Variants in UBOX5 observed in about 807,000 individuals in gnomAD.
The protein encoded by UBOX5 is RING finger protein 37.
Under a neutral mutation model 39.0 loss-of-function variants are expected in UBOX5, and 28 were observed. The observed-to-expected ratio is 0.72, with a 90% CI of 0.53 to 0.98. The LOEUF is 0.98. Ranked by LOEUF, UBOX5 falls within the 50% of genes least tolerant of loss-of-function variation. The pLI is 0.00. For missense variants in UBOX5, 585 were observed against 674.4 expected (o/e 0.87, Z 1.47); for synonymous variants, 283 against 275.5 (o/e 1.03, Z -0.27).
At chr20:3,138,916 G>A (rs2066493376) in intron 1 of UBOX5, among the ~76,000 whole-genome samples, 1 of 152,068 alleles carries the variant, frequency 6.6e-6, no homozygotes, top group African/African-American at 2.4e-5. Context: ...TCATAGAGAT[G>A]TAATGAAAAG....
At chr20:3,120,843 T>C (rs1293799471) in intron 3 of UBOX5, among the ~76,000 whole-genome samples, 3 of 152,138 alleles carry the variant, frequency 2.0e-5, no homozygotes, top group African/African-American at 7.2e-5. Context: ...CCTTTTTCCT[T>C]TTCTGTGTCC....
At chr20:3,135,009 GA>G (rs1296288477) in intron 1 of UBOX5, among the ~76,000 whole-genome samples, 9 of 152,132 alleles carry the variant, frequency 5.9e-5, no homozygotes, top group African/African-American at 2.2e-4. Flanking sequence ...GAAATAATTA[GA>G]AGAGAATACA....
intron 4 of UBOX5, 166 bp from the exon 5 acceptor site, chr20:3,110,480 G>T: frequency 1.4e-6 from 1 of 738,348 alleles, no homozygotes; most frequent in Non-Finnish European, 2.2e-6. Context: ...GGGAGAGGGA[G>T]CCTGGGAACC....
At chr20:3,159,343 A>T (rs938933453) in intron 1 of UBOX5, among the ~76,000 whole-genome samples, 5 of 152,134 alleles carry the variant, frequency 3.3e-5, no homozygotes, top group Non-Finnish European at 7.4e-5. Flanking sequence ...CCTCGTCTGG[A>T]ATCTAGTTAG....
chr20:3,127,442 T>A (rs368712614), intron 1 of UBOX5, among the ~76,000 whole-genome samples: 2 of 152,232 alleles, frequency 1.3e-5, no homozygotes, highest in African/African-American at 4.8e-5. Context: ...TTTTACATAT[T>A]AACACAAAGT....
At chr20:3,126,810 C>T (rs1267087790) in intron 1 of UBOX5, among the ~76,000 whole-genome samples, 6 of 151,850 alleles carry the variant, frequency 4.0e-5, no homozygotes, top group African/African-American at 1.2e-4. Context: ...CAGAGGCAGG[C>T]AGATCACCTG....
chr20:3,148,538 T>C (rs147589614), intron 1 of UBOX5: 829 of 1,614,160 alleles, frequency 5.1e-4, no homozygotes, highest in Non-Finnish European at 6.5e-4. Flanking sequence ...CAAGACAGGA[T>C]GCTGCTCTGC....
At chr20:3,148,872 T>C (rs756980695) in intron 1 of UBOX5, 1 of 1,614,192 alleles carries the variant, frequency 6.2e-7, no homozygotes, top group Admixed American at 1.7e-5. Flanking sequence ...GTCAGGATTC[T>C]CCGAGAAGAG....
Position 3,123,387 on chromosome 20 carries a change from T to G in UBOX5, c.-22A>C. ...CCATCTTTGTGGCTGAGAGGATATC[T>G]TCCAAGCATCAGAAGCAGCCTTAAA... On this transcript the variant is annotated 5_prime_UTR_variant, in exon 2 of 5. Coordinates refer to ENST00000217173, the MANE Select transcript of UBOX5 (RefSeq NM_014948.4). The G allele has an allele frequency of 1.9e-6, 3 of 1,611,890 alleles. No homozygotes were observed. The highest frequency in any genetic ancestry group is 2.5e-6 in the Non-Finnish European group (3 of 1,178,306).
chr20:3,114,710 G>A (rs898367238), intron 4 of UBOX5, among the ~76,000 whole-genome samples: 2 of 152,178 alleles, frequency 1.3e-5, no homozygotes, highest in African/African-American at 4.8e-5. Context: ...AGCGCTTTGC[G>A]AGGCCGAGGC....
intron 1 of UBOX5, among the ~76,000 whole-genome samples, chr20:3,135,154 T>A (rs1312584080): frequency 2.0e-5 from 3 of 152,074 alleles, no homozygotes; most frequent in Admixed American, 6.6e-5. Context: ...AAAATTTTTT[T>A]AAAAAAACGT....
chr20:3,159,372 AC>A (rs1056009427), intron 1 of UBOX5, among the ~76,000 whole-genome samples: 39 of 152,290 alleles, frequency 2.6e-4, no homozygotes, highest in African/African-American at 9.4e-4. Context: ...TTATCTCAGA[AC>A]CCACCCCAGT....
At chr20:3,153,363 G>A (rs2066650626) in intron 1 of UBOX5, among the ~76,000 whole-genome samples, 1 of 152,212 alleles carries the variant, frequency 6.6e-6, no homozygotes, top group African/African-American at 2.4e-5. Flanking sequence ...CTGTGCCAAG[G>A]CTTAGAGCCT....
intron 1 of UBOX5, among the ~76,000 whole-genome samples, chr20:3,145,261 TC>T (rs2066550467): frequency 1.3e-5 from 2 of 151,640 alleles, no homozygotes; most frequent in Non-Finnish European, 2.9e-5. Context: ...ACGGTGATCC[TC>T]CCACCTCAGC....
At chr20:3,155,515 A>T (rs1036682918) in intron 1 of UBOX5, among the ~76,000 whole-genome samples, 1 of 152,084 alleles carries the variant, frequency 6.6e-6, no homozygotes, top group Non-Finnish European at 1.5e-5. Flanking sequence ...TGGGCAACAG[A>T]GCGAAACTCC....
chr20:3,135,019 C>T (rs568893102), intron 1 of UBOX5, among the ~76,000 whole-genome samples: 6 of 151,990 alleles, frequency 3.9e-5, no homozygotes, highest in Non-Finnish European at 7.4e-5. Context: ...GAAGAGAATA[C>T]AAAATATGAA....
chr20:3,138,423 G>A (rs1232577588), intron 1 of UBOX5, among the ~76,000 whole-genome samples: 5 of 152,190 alleles, frequency 3.3e-5, no homozygotes, highest in African/African-American at 9.6e-5. Flanking sequence ...GGTGGGATAA[G>A]TTGTTCTTCT....
chr20:3,117,588 G>A (rs924847135), intron 3 of UBOX5, among the ~76,000 whole-genome samples: 1 of 152,208 alleles, frequency 6.6e-6, no homozygotes, highest in Non-Finnish European at 1.5e-5. Flanking sequence ...GGAGGCAGAA[G>A]CAGGAGAATT....
chr20:3,136,757 G>C (rs538035670), intron 1 of UBOX5, among the ~76,000 whole-genome samples: 1 of 152,048 alleles, frequency 6.6e-6, no homozygotes, highest in African/African-American at 2.4e-5. Flanking sequence ...CCAGGTTCAC[G>C]CCATTCTCCT....
Sources: gnomAD v4.1 joint callset for allele counts (sites outside exome capture counted in the v4.1 genomes callset) on GRCh38, gnomAD v4.1.1 for gene constraint, MANE v1.5 for transcripts, NCBI Gene and HGNC (gene_info 2026-07-23, HGNC 2026-07-21) for gene names.